Variants in DGCR2 observed in about 807,000 individuals in gnomAD.
The protein encoded by DGCR2 is integral membrane protein DGCR2/IDD.
Under a neutral mutation model 51.6 loss-of-function variants are expected in DGCR2, and 24 were observed. The observed-to-expected ratio is 0.47, with a 90% CI of 0.34 to 0.65. DGCR2 has a LOEUF of 0.65. Ranked by LOEUF, DGCR2 falls within the 30% of genes least tolerant of loss-of-function variation. The probability of loss-of-function intolerance (pLI) is 0.01; values close to 1 mark genes in which losing one functional copy is unlikely to be tolerated. For missense variants in DGCR2, 765 were observed against 772.1 expected (o/e 0.99, Z 0.11); for synonymous variants, 340 against 315.4 (o/e 1.08, Z -0.82).
chr22:19,102,140 ACATTAT>A (rs2083209227), intron 1 of DGCR2, among the ~76,000 whole-genome samples: 1 of 152,238 alleles, frequency 6.6e-6, no homozygotes, highest in Non-Finnish European at 1.5e-5. Context: ...AACCTGGACA[ACATTAT>A]GCTAAGTGAA....
intron 1 of DGCR2, among the ~76,000 whole-genome samples, chr22:19,092,004 T>C (rs575331781): frequency 1.3e-5 from 2 of 151,832 alleles, no homozygotes; most frequent in African/African-American, 4.8e-5. Flanking sequence ...TTGAGATCAG[T>C]AATATTAATA....
At chr22:19,041,004 C>T (rs2146301002) in intron 9 of DGCR2, 54 bp downstream of exon 9, 1 of 1,472,156 alleles carries the variant, frequency 6.8e-7, no homozygotes, top group Non-Finnish European at 9.3e-7. Context: ...TGGGCTCAGC[C>T]CCACGTGCCA....
Position 19,037,720 on chromosome 22 carries a change from C to G in DGCR2, c.*1145G>C, listed in dbSNP as rs999877363. ...CCAAACCTCAGAAATGTTAAAGGCC[C>G]TGTGTCAGGCAACAAAACCACTGCC... On this transcript the variant is annotated 3_prime_UTR_variant, in exon 10 of 10. Coordinates refer to ENST00000263196, the MANE Select transcript of DGCR2 (RefSeq NM_005137.3). 1 of 152,404 alleles carries G rather than the reference C, an allele frequency of 6.6e-6. No homozygotes were observed. The highest frequency in any genetic ancestry group is 2.4e-5 in the African/African-American group (1 of 41,472). 9.4% of individuals were successfully genotyped at this position (152,404 alleles called of 1,614,324 possible).
At chr22:19,041,729 G>T in intron 8 of DGCR2, 78 bp downstream of exon 8, 1 of 1,504,142 alleles carries the variant, frequency 6.6e-7, no homozygotes, top group Non-Finnish European at 9.1e-7. Flanking sequence ...TCTGTCCAGG[G>T]CTGGGGAGCT....
chr22:19,122,226 C>CCCGGGGCGGCTGGAAGGCCGGA lies in DGCR2; in HGVS notation c.-42_-21dup. 6.7e-7 allele frequency: 1 copy of CCCGGGGCGGCTGGAAGGCCGGA among 1,490,942 alleles called. No individual in the cohort carries two copies. The highest frequency in any genetic ancestry group is 9.0e-7 in the Non-Finnish European group (1 of 1,117,186). 92.4% of individuals were successfully genotyped at this position (1,490,942 alleles called of 1,614,324 possible). A position where few individuals can be genotyped will look rare whatever the true frequency, so the allele number is the denominator to read the frequency against. On this transcript the variant is annotated 5_prime_UTR_variant, in exon 1 of 10. Transcript: ENST00000263196. ...CACCATTTATCCTCCGTTCATCGTC[C>CCCGGGGCGGCTGGAAGGCCGGA]CCGGGGCGGCTGGAAGGCCGGACCA...
At chr22:19,062,807 T>TCTCTCTCTCTCTCTCTCACCCACTCTCTC (rs397967453) in intron 5 of DGCR2, among the ~76,000 whole-genome samples, 1 of 146,990 alleles carries the variant, frequency 6.8e-6, no homozygotes. Context: ...TCTCTCTCTC[T>TCTCTCTCTCTCTCTCTCACCCACTCTCTC]ATCTGCCTGA....
chr22:19,048,727 T>C, intron 6 of DGCR2, 84 bp from the exon 7 acceptor site: 2 of 1,411,578 alleles, frequency 1.4e-6, no homozygotes, highest in South Asian at 1.2e-5. Flanking sequence ...CCAAAAAAGG[T>C]AGCCTCCCCG....
chr22:19,064,527 A>G (rs1399483971), intron 4 of DGCR2, among the ~76,000 whole-genome samples: 1 of 151,936 alleles, frequency 6.6e-6, no homozygotes, highest in Non-Finnish European at 1.5e-5. Context: ...AGTTCTCCCC[A>G]CACAAGCCAG....
chr22:19,095,802 G>A (rs941973099), intron 1 of DGCR2, among the ~76,000 whole-genome samples: 1 of 150,878 alleles, frequency 6.6e-6, no homozygotes, highest in Admixed American at 6.6e-5. Context: ...GAGATCAAAA[G>A]ATACTGACCA....
chr22:19,045,585 A>T (rs1293594330), intron 7 of DGCR2, among the ~76,000 whole-genome samples: 1 of 152,112 alleles, frequency 6.6e-6, no homozygotes, highest in Non-Finnish European at 1.5e-5. Context: ...CTTTCCACCA[A>T]CTTTTATCTA....
In DGCR2 at chr22:19,057,918, T is replaced by C. The variant is rs1387824571; in HGVS notation, c.626-756A>G. Among the ~76,000 whole-genome samples the C allele has an allele frequency of 1.3e-5, 2 of 151,968 alleles. No homozygotes were observed. The highest frequency in any genetic ancestry group is 4.8e-5 in the African/African-American group (2 of 41,394). On this transcript the variant is annotated intron_variant, in intron 5 of 9. Transcript: ENST00000263196. The surrounding 1 kb of genome is among the most constrained non-coding windows in gnomAD (Gnocchi z 5.1). ...ACAGCCAGCCCTAGGCCCCACTCTC[T>C]CCCCTGCACGGCCCTTCCAGTCTGG...
chr22:19,056,690 G>A lies in DGCR2; in HGVS notation c.802+296C>T, dbSNP rs2082607023. Reference sequence around the variant, plus strand: ...TGCTCCAGAGATGCCAAGTCCTTGGGTCCTCATTCCCATTTACTCTCTTAA... The same window carrying A: ...TGCTCCAGAGATGCCAAGTCCTTGGATCCTCATTCCCATTTACTCTCTTAA... On this transcript the variant is annotated intron_variant, in intron 6 of 9. Transcript: ENST00000263196. 2.6e-5 allele frequency among the ~76,000 whole-genome samples: 4 copies of A among 152,254 alleles called. No homozygotes were observed. The East Asian group carries it at 7.7e-4, about 29-fold the overall frequency.
intron 6 of DGCR2, among the ~76,000 whole-genome samples, chr22:19,054,717 G>A (rs2082582794): frequency 1.3e-5 from 2 of 149,920 alleles, no homozygotes; most frequent in African/African-American, 5.0e-5. Flanking sequence ...ATTCTTGCCT[G>A]GGCAACACAG....
chr22:19,063,122 G>GTAAGAGGGAGGAGCACTGA (rs2082704064), intron 5 of DGCR2, 80 bp downstream of exon 5: 18 of 1,363,802 alleles, frequency 1.3e-5, no homozygotes, highest in Admixed American at 1.7e-5. Flanking sequence ...GGCAGCACTG[G>GTAAGAGGGAGGAGCACTGA]GTAAGAGGGA....
intron 6 of DGCR2, among the ~76,000 whole-genome samples, chr22:19,050,779 C>T (rs989408568): frequency 6.6e-6 from 1 of 152,010 alleles, no homozygotes; most frequent in Non-Finnish European, 1.5e-5. Context: ...AACACTCATT[C>T]GAAACATGTC....
At chr22:19,092,305 C>G (rs1184198585) in intron 1 of DGCR2, among the ~76,000 whole-genome samples, 1 of 151,462 alleles carries the variant, frequency 6.6e-6, no homozygotes, top group Non-Finnish European at 1.5e-5. Context: ...GATTACACAA[C>G]TGCACTGCAG....
chr22:19,094,188 G>A (rs2083112625), intron 1 of DGCR2, among the ~76,000 whole-genome samples: 1 of 152,254 alleles, frequency 6.6e-6, no homozygotes, highest in Non-Finnish European at 1.5e-5. Context: ...AACACTTTGG[G>A]AGGCTGAGGT....
rs963718606 is a variant in DGCR2 at position 19,041,416 on chromosome 22, G to A, written c.1160-122C>T. 1.2e-4 allele frequency: 110 copies of A among 937,906 alleles called. 1 individual carries two copies. Among genetic ancestry groups the A allele is most frequent in the Middle Eastern group, 3.3e-4 (1 of 3,032 alleles). 58.1% of individuals were successfully genotyped at this position (937,906 alleles called of 1,614,324 possible). A position where few individuals can be genotyped will look rare whatever the true frequency, so the allele number is the denominator to read the frequency against. On this transcript the variant is annotated intron_variant, in intron 8 of 9. Transcript: ENST00000263196. ...CCCTGAGTGCACACACCTGTGCCCCGCTGCCTACCCCTCGGCCACATTCGG... is the reference window on the plus strand; with the variant it reads ...CCCTGAGTGCACACACCTGTGCCCCACTGCCTACCCCTCGGCCACATTCGG...
rs2082381087 is a variant in DGCR2, at chr22:19,037,344, A to G, written c.*1521T>C. 1 of 152,292 alleles carries G rather than the reference A, an allele frequency of 6.6e-6. No homozygotes were observed. The highest frequency in any genetic ancestry group is 6.5e-5 in the Admixed American group (1 of 15,284). 9.4% of individuals were successfully genotyped at this position (152,292 alleles called of 1,614,324 possible). On this transcript the variant is annotated 3_prime_UTR_variant, in exon 10 of 10. Transcript: ENST00000263196. ...AGATTCTCATTCCACATGGGATGGAAAAAATGGGTCTCCAGCCACAGTGTG... is the reference window on the plus strand; with the variant it reads ...AGATTCTCATTCCACATGGGATGGAGAAAATGGGTCTCCAGCCACAGTGTG...
Sources: gnomAD v4.1 joint callset for allele counts (sites outside exome capture counted in the v4.1 genomes callset) on GRCh38, gnomAD v4.1.1 for gene constraint, Gnocchi (gnomAD v3.1) non-coding constraint, MANE v1.5 for transcripts, NCBI Gene and HGNC (gene_info 2026-07-23, HGNC 2026-07-21) for gene names.